Variants in SLC13A4 observed in about 807,000 individuals in gnomAD.
The protein encoded by SLC13A4 is Na(+)/sulfate cotransporter SUT-1.
Under a neutral mutation model 72.7 loss-of-function variants are expected in SLC13A4, and 28 were observed. The observed-to-expected ratio is 0.39, with a 90% CI of 0.29 to 0.53. The LOEUF (loss-of-function observed/expected upper bound fraction) is 0.53, where lower values mean the gene tolerates loss of function less well. Ranked by LOEUF, SLC13A4 falls within the 20% of genes least tolerant of loss-of-function variation. SLC13A4 has a pLI of 0.78. For synonymous variants in SLC13A4, 312 were observed against 325.5 expected (o/e 0.96, Z 0.45); for missense variants, 653 against 788.0 (o/e 0.83, Z 2.05).
At position 135,690,512 on chromosome 7, in the gene SLC13A4, A is replaced by G. The variant is rs185396051; in HGVS notation, c.1446+689T>C. ...GGAGCATCTCTGGTCCCTTACAGAG[A>G]TCGCCTATTACCACTCCTATTACCT... On this transcript the variant is annotated intron_variant, in intron 13 of 15. Transcript: ENST00000682651. Among the ~76,000 whole-genome samples, 4 of 152,258 alleles carry G rather than the reference A, an allele frequency of 2.6e-5. No individual in the cohort carries two copies. In the East Asian group the frequency reaches 7.7e-4, roughly 29 times the overall value.
intron 2 of SLC13A4, among the ~76,000 whole-genome samples, chr7:135,710,933 G>A (rs1461856696): frequency 7.2e-6 from 1 of 139,844 alleles, no homozygotes; most frequent in African/African-American, 2.6e-5. Context: ...CCCTGCTCTG[G>A]ACAGCTTGTG....
intron 13 of SLC13A4, among the ~76,000 whole-genome samples, chr7:135,690,246 G>C (rs1490001542): frequency 6.8e-6 from 1 of 146,994 alleles, no homozygotes; most frequent in Non-Finnish European, 1.5e-5. Flanking sequence ...ATGTAGATGA[G>C]ATGGAGGGAG....
At chr7:135,701,782 C>T (rs1238411905) in intron 6 of SLC13A4, 22 bp from the exon 7 acceptor site, 6 of 1,612,348 alleles carry the variant, frequency 3.7e-6, no homozygotes, top group Non-Finnish European at 4.2e-6. Context: ...AAGGCCATCT[C>T]ACTATTAGGA....
At position 135,685,597 on chromosome 7, in the gene SLC13A4, G is replaced by C; in HGVS notation, c.1533C>G (p.Ile511Met). The C allele has an allele frequency of 1.2e-6, 2 of 1,614,194 alleles. No homozygotes were observed. Among genetic ancestry groups the C allele is most frequent in the Non-Finnish European group, 1.7e-6 (2 of 1,179,998 alleles). ...CAAACTCAGTGACAATGGACACGAG[G>C]ATGCATGCCAGCAGGGTGACAGCCC... ...PPWAVTLLAC[I>M]LVSIVTEFVS... The change falls in exon 14 of 16, where the codon ATC becomes ATG. Residue 511 changes from isoleucine to methionine, a missense_variant. Ile to Met is a conservative substitution (Grantham distance 10, BLOSUM62 1). Coordinates refer to ENST00000682651, the MANE Select transcript of SLC13A4 (RefSeq NM_001318192.2).
chr7:135,705,254 T>C (rs1365718143), intron 5 of SLC13A4: 1 of 237,924 alleles, frequency 4.2e-6, no homozygotes, highest in Non-Finnish European at 8.2e-6. Context: ...GTTAACAAAT[T>C]AAACATACTA....
intron 2 of SLC13A4, among the ~76,000 whole-genome samples, chr7:135,714,749 C>T (rs940200806): frequency 2.0e-5 from 3 of 152,242 alleles, no homozygotes; most frequent in Non-Finnish European, 4.4e-5. Flanking sequence ...GGGCAGGAAT[C>T]TGGCGGGTCA....
chr7:135,714,837 A>G (rs969723282), intron 2 of SLC13A4, among the ~76,000 whole-genome samples: 1 of 152,226 alleles, frequency 6.6e-6, no homozygotes, highest in African/African-American at 2.4e-5. Flanking sequence ...GCTGCGGGTT[A>G]TCCCAGCGGG....
rs576920463 is a variant in SLC13A4 at position 135,716,876 on chromosome 7, C to A, written c.228+4519G>T. Among the ~76,000 whole-genome samples, 32 of 152,284 alleles carry A rather than the reference C, an allele frequency of 2.1e-4. No homozygotes were observed. In the South Asian group the frequency reaches 6.6e-3, roughly 32 times the overall value. The stretch of plus-strand genomic sequence containing the variant: ...CCCACAGTGCCTGGCATATGGTAAA[C>A]ACTTGGAATTTGGCAGCCACGTTGG... On this transcript the variant is annotated intron_variant, in intron 2 of 15. Transcript: ENST00000682651.
At position 135,701,775 on chromosome 7, in the gene SLC13A4, G is replaced by A; in HGVS notation, c.634-15C>T. On this transcript the variant is annotated splice_polypyrimidine_tract_variant and intron_variant, in intron 6 of 15. Coordinates refer to ENST00000682651, the MANE Select transcript of SLC13A4 (RefSeq NM_001318192.2). ...CCATTCAGGTTCTGTTGGGACAAAG[G>A]CCATCTCACTATTAGGAAGAGGAAG... 2.5e-6 allele frequency: 4 copies of A among 1,612,768 alleles called. No individual in the cohort carries two copies. Among genetic ancestry groups the A allele is most frequent in the African/African-American group, 1.3e-5 (1 of 75,000 alleles).
intron 12 of SLC13A4, 77 bp downstream of exon 12, chr7:135,691,471 T>C: frequency 6.6e-7 from 1 of 1,512,026 alleles, no homozygotes; most frequent in Non-Finnish European, 9.1e-7. Context: ...AGGACCTTGG[T>C]AAATCTCTTT....
chr7:135,712,281 C>G (rs1796321433), intron 2 of SLC13A4, among the ~76,000 whole-genome samples: 1 of 151,790 alleles, frequency 6.6e-6, no homozygotes, highest in Non-Finnish European at 1.5e-5. Context: ...CATGTCTTTC[C>G]TGCTCCCTTG....
chr7:135,721,061 T>C (rs1796536998), intron 2 of SLC13A4, among the ~76,000 whole-genome samples: 1 of 152,130 alleles, frequency 6.6e-6, no homozygotes, highest in African/African-American at 2.4e-5. Flanking sequence ...ATCCAGAGTC[T>C]GAAAAAGGTC....
At chr7:135,720,557 A>C (rs76374178) in intron 2 of SLC13A4, among the ~76,000 whole-genome samples, 1 of 72,958 alleles carries the variant, frequency 1.4e-5, no homozygotes, top group African/African-American at 6.1e-5. Context: ...TTTTCATTAA[A>C]AAAAAAAAAA....
At chr7:135,712,221 A>G (rs1167812054) in intron 2 of SLC13A4, among the ~76,000 whole-genome samples, 2 of 151,850 alleles carry the variant, frequency 1.3e-5, no homozygotes, top group East Asian at 3.9e-4. Context: ...GCCCAGCTTC[A>G]GTGGGATATT....
chr7:135,727,338 C>T (rs747197211), intron 1 of SLC13A4, 60 bp downstream of exon 1: 37 of 1,531,792 alleles, frequency 2.4e-5, no homozygotes, highest in Admixed American at 1.2e-4. Context: ...CCCTACCGAC[C>T]TCCCCTCTTT....
At chr7:135,721,699 C>A (rs1439225584) in intron 1 of SLC13A4, among the ~76,000 whole-genome samples, 176 bp from the exon 2 acceptor site, 1 of 152,172 alleles carries the variant, frequency 6.6e-6, no homozygotes, top group Non-Finnish European at 1.5e-5. Flanking sequence ...GTGAGTCCAT[C>A]CTTTGGTGGG....
intron 7 of SLC13A4, among the ~76,000 whole-genome samples, chr7:135,700,857 C>A (rs924437115): frequency 6.6e-6 from 1 of 152,126 alleles, no homozygotes; most frequent in African/African-American, 2.4e-5. Context: ...GCTGTGTTTC[C>A]CAGGCTGGTC....
intron 6 of SLC13A4, 96 bp downstream of exon 6, chr7:135,702,749 C>A (rs1462319146): frequency 2.0e-6 from 2 of 978,272 alleles, no homozygotes; most frequent in Non-Finnish European, 3.3e-6. Context: ...GGATCTGTAG[C>A]TGTTGAAAAT....
chr7:135,684,801 CA>C (rs1411317192), intron 14 of SLC13A4, among the ~76,000 whole-genome samples: 1 of 152,058 alleles, frequency 6.6e-6, no homozygotes, highest in East Asian at 1.9e-4. Flanking sequence ...GAGCAATGAG[CA>C]GAGAGTATGG....
Sources: allele counts gnomAD v4.1 joint callset (sites outside exome capture counted in the v4.1 genomes callset), GRCh38; gene constraint gnomAD v4.1.1; transcripts MANE v1.5; gene names NCBI Gene and HGNC (gene_info 2026-07-23, HGNC 2026-07-21).